SGCZ: variants seen among roughly 807,000 people sequenced by gnomAD.
SGCZ encodes zeta-sarcoglycan.
In SGCZ, 40 loss-of-function variants were observed where a neutral mutation model predicts 41.3. That is an observed-to-expected ratio of 0.97 (90% CI 0.75 to 1.26). The LOEUF (loss-of-function observed/expected upper bound fraction) is 1.26, where lower values mean the gene tolerates loss of function less well. Ranked by LOEUF, SGCZ falls within the 50% of genes most tolerant of loss-of-function variation. The pLI is 0.00. For synonymous variants in SGCZ, 206 were observed against 137.5 expected (o/e 1.50, Z -3.49); for missense variants, 552 against 369.8 (o/e 1.49, Z -4.04).
chr8:14,565,587 A>G (rs1804334154), intron 1 of SGCZ, among the ~76,000 whole-genome samples: 1 of 152,116 alleles, frequency 6.6e-6, no homozygotes, highest in South Asian at 2.1e-4. Context: ...GCAGGGGAAG[A>G]AGGAAAAATC....
At chr8:15,008,816 G>A (rs1418165044) in intron 1 of SGCZ, among the ~76,000 whole-genome samples, 4 of 137,352 alleles carry the variant, frequency 2.9e-5, no homozygotes, top group Admixed American at 1.5e-4. Context: ...AGGGAGGGAC[G>A]GAGGGAGGAA....
At chr8:14,820,425 C>T (rs1802040376) in intron 1 of SGCZ, among the ~76,000 whole-genome samples, 1 of 151,890 alleles carries the variant, frequency 6.6e-6, no homozygotes, top group African/African-American at 2.4e-5. Context: ...ACTTGAGTTC[C>T]CCACTTTCAT....
At chr8:14,511,320 G>C (rs1340542209) in intron 2 of SGCZ, among the ~76,000 whole-genome samples, 1 of 151,788 alleles carries the variant, frequency 6.6e-6, no homozygotes, top group South Asian at 2.1e-4. Flanking sequence ...CTATGGCTAC[G>C]TTTTATGGAT....
At chr8:14,272,989 CAA>C (rs924461620) in intron 3 of SGCZ, among the ~76,000 whole-genome samples, 12 of 151,794 alleles carry the variant, frequency 7.9e-5, no homozygotes, top group African/African-American at 2.9e-4. Flanking sequence ...TAGAAATAAA[CAA>C]AGTTACATTT....
intron 3 of SGCZ, among the ~76,000 whole-genome samples, chr8:14,271,191 G>C (rs187663016): frequency 2.7e-5 from 4 of 150,880 alleles, no homozygotes; most frequent in Non-Finnish European, 4.4e-5. Flanking sequence ...AAAACTTAAA[G>C]TATAATTAAA....
intron 3 of SGCZ, among the ~76,000 whole-genome samples, chr8:14,276,215 G>A (rs1368853648): frequency 6.6e-6 from 1 of 152,130 alleles, no homozygotes; most frequent in Non-Finnish European, 1.5e-5. Context: ...TGCAAGTCCT[G>A]TATGGCAGTT....
chr8:14,790,938 G>C (rs1378408951), intron 1 of SGCZ, among the ~76,000 whole-genome samples: 2 of 151,650 alleles, frequency 1.3e-5, no homozygotes, highest in Non-Finnish European at 2.9e-5. Context: ...GGTTAAGGCA[G>C]GAGGATCTCT....
intron 7 of SGCZ, among the ~76,000 whole-genome samples, chr8:14,096,741 T>G (rs1801857731): frequency 6.6e-6 from 1 of 152,144 alleles, no homozygotes; most frequent in African/African-American, 2.4e-5. Context: ...TCCAGAACTT[T>G]TTTTGGTTGG....
intron 2 of SGCZ, among the ~76,000 whole-genome samples, chr8:14,550,398 T>C (rs759454966): frequency 6.6e-6 from 1 of 151,026 alleles, no homozygotes; most frequent in Admixed American, 6.6e-5. Context: ...TAAATAAGCA[T>C]ATAAATAAAA....
chr8:14,120,550 T>A (rs1490241025), intron 5 of SGCZ, among the ~76,000 whole-genome samples: 1 of 152,106 alleles, frequency 6.6e-6, no homozygotes, highest in Admixed American at 6.6e-5. Context: ...ATAGTTCTTG[T>A]CTTACTAAGG....
rs555300142 is a variant in SGCZ, at chr8:15,020,212, T to C, written c.39+217373A>G. Among the ~76,000 whole-genome samples the C allele has an allele frequency of 4.6e-5, 7 of 152,272 alleles. No homozygotes were observed. The South Asian group carries it at 8.3e-4, about 18-fold the overall frequency. ...AAAGGCTTTCCAAGTTTCCTTCTTA[T>C]AGATCAGTCATCAGCAATTTAAGCT... On this transcript the variant is annotated intron_variant, in intron 1 of 7. Coordinates refer to ENST00000382080, the MANE Select transcript of SGCZ (RefSeq NM_139167.4).
At chr8:15,073,486 C>G (rs1317342498) in intron 1 of SGCZ, among the ~76,000 whole-genome samples, 1 of 152,134 alleles carries the variant, frequency 6.6e-6, no homozygotes, top group Non-Finnish European at 1.5e-5. Flanking sequence ...GTCAGCCTGG[C>G]TAGGCTACGG....
intron 1 of SGCZ, among the ~76,000 whole-genome samples, chr8:14,753,852 G>A (rs1799573031): frequency 6.6e-6 from 1 of 152,162 alleles, no homozygotes; most frequent in African/African-American, 2.4e-5. Context: ...CTGCAATCAT[G>A]CAATCACCTG....
chr8:14,387,719 T>C (rs1319183817), intron 2 of SGCZ, among the ~76,000 whole-genome samples: 1 of 151,966 alleles, frequency 6.6e-6, no homozygotes, highest in East Asian at 1.9e-4. Context: ...CATTAATCAA[T>C]TAATACATAT....
intron 3 of SGCZ, among the ~76,000 whole-genome samples, chr8:14,300,154 A>G (rs1223273613): frequency 6.6e-6 from 1 of 152,014 alleles, no homozygotes; most frequent in African/African-American, 2.4e-5. Flanking sequence ...ACAAGGATGT[A>G]TAGTTATGAA....
At chr8:14,732,667 G>T (rs1266493758) in intron 1 of SGCZ, among the ~76,000 whole-genome samples, 4 of 152,162 alleles carry the variant, frequency 2.6e-5, no homozygotes, top group African/African-American at 9.6e-5. Flanking sequence ...ATTCTGACAA[G>T]TTACTTAACC....
At chr8:14,647,646 G>C (rs190614929) in intron 1 of SGCZ, among the ~76,000 whole-genome samples, 2 of 151,662 alleles carry the variant, frequency 1.3e-5, no homozygotes, top group African/African-American at 2.4e-5. Context: ...GAATAAATTA[G>C]TTTGTTCATT....
intron 2 of SGCZ, among the ~76,000 whole-genome samples, chr8:14,473,130 A>G (rs903384042): frequency 6.6e-6 from 1 of 152,186 alleles, no homozygotes; most frequent in Non-Finnish European, 1.5e-5. Context: ...GGTAATTTAG[A>G]ATGAATTAAA....
intron 2 of SGCZ, among the ~76,000 whole-genome samples, chr8:14,466,431 A>G (rs1801052185): frequency 6.6e-6 from 1 of 152,012 alleles, no homozygotes. Context: ...GGTCTAGATT[A>G]TAACATGTAT....
Sources: allele counts gnomAD v4.1 joint callset (sites outside exome capture counted in the v4.1 genomes callset), GRCh38; gene constraint gnomAD v4.1.1; transcripts MANE v1.5; gene names NCBI Gene and HGNC (gene_info 2026-07-23, HGNC 2026-07-21).